EXOC6B: variants seen among roughly 807,000 people sequenced by gnomAD.
EXOC6B encodes exocyst complex component 6B, also known as SEC15 homolog B.
In EXOC6B, 54 loss-of-function variants were observed where a neutral mutation model predicts 113.5. That is an observed-to-expected ratio of 0.48 (90% confidence interval 0.38 to 0.60). The LOEUF is 0.60. Ranked by LOEUF, EXOC6B falls within the 20% of genes least tolerant of loss-of-function variation. The pLI is 0.00. For synonymous variants in EXOC6B, 357 were observed against 339.0 expected (o/e 1.05, Z -0.58); for missense variants, 797 against 977.5 (o/e 0.82, Z 2.46).
intron 20 of EXOC6B, among the ~76,000 whole-genome samples, chr2:72,207,527 A>T (rs1679908703): frequency 6.6e-6 from 1 of 152,244 alleles, no homozygotes; most frequent in Non-Finnish European, 1.5e-5. Context: ...TTTATGGAGT[A>T]AATGCTGAAC....
At chr2:72,699,959 TG>T (rs1221011656) in intron 6 of EXOC6B, among the ~76,000 whole-genome samples, 1 of 152,202 alleles carries the variant, frequency 6.6e-6, no homozygotes, top group Non-Finnish European at 1.5e-5. Flanking sequence ...TATCTGTGGA[TG>T]CTCAAGTCCC....
intron 1 of EXOC6B, among the ~76,000 whole-genome samples, chr2:72,769,532 C>G (rs542999910): frequency 6.6e-6 from 1 of 152,268 alleles, no homozygotes; most frequent in South Asian, 2.1e-4. Flanking sequence ...AAAGGAAGGG[C>G]CAGGCCCAGT....
At chr2:72,381,419 A>G (rs1403052809) in intron 18 of EXOC6B, among the ~76,000 whole-genome samples, 4 of 152,094 alleles carry the variant, frequency 2.6e-5, no homozygotes, top group African/African-American at 9.7e-5. Flanking sequence ...AAACAGAGTA[A>G]GTCAGTTCTA....
At chr2:72,597,839 A>T (rs1480375242) in intron 6 of EXOC6B, among the ~76,000 whole-genome samples, 1 of 151,986 alleles carries the variant, frequency 6.6e-6, no homozygotes, top group Non-Finnish European at 1.5e-5. Flanking sequence ...ATTATCAGGG[A>T]TATAGAGAGG....
intron 15 of EXOC6B, among the ~76,000 whole-genome samples, chr2:72,493,331 C>T (rs900735224): frequency 6.9e-6 from 1 of 145,494 alleles, no homozygotes; most frequent in African/African-American, 2.7e-5. Context: ...CCCCCCCCCC[C>T]CCCGCATTTT....
chr2:72,498,855 A>G (rs965061564), intron 12 of EXOC6B, among the ~76,000 whole-genome samples: 11 of 152,142 alleles, frequency 7.2e-5, no homozygotes, highest in African/African-American at 2.4e-4. Context: ...TATAAGTCCT[A>G]CTACCTATAG....
At chr2:72,646,610 G>C (rs1051481582) in intron 6 of EXOC6B, among the ~76,000 whole-genome samples, 2 of 152,078 alleles carry the variant, frequency 1.3e-5, no homozygotes, top group Non-Finnish European at 2.9e-5. Flanking sequence ...CCACAATCAA[G>C]TCGGCTTCAT....
rs1037190906 is a variant in EXOC6B at position 72,459,391 on chromosome 2, A to G, written c.1980+5769T>C. Among the ~76,000 whole-genome samples, 22 of 152,304 alleles carry G rather than the reference A, an allele frequency of 1.4e-4. 2 individuals are homozygous for G. The highest frequency in any genetic ancestry group is 4.6e-4 in the African/African-American group (19 of 41,576). ...AGGAGAAGGAAATAAAGGGTATTCA[A>G]TTAGGAAAAGAGGAAGTCAAATTGT... On this transcript the variant is annotated intron_variant, in intron 18 of 21. Coordinates refer to ENST00000272427, the MANE Select transcript of EXOC6B (RefSeq NM_015189.3).
At chr2:72,518,409 T>C (rs574043358) in intron 8 of EXOC6B, among the ~76,000 whole-genome samples, 1 of 152,022 alleles carries the variant, frequency 6.6e-6, no homozygotes, top group Admixed American at 6.6e-5. Context: ...ACTTACTGAA[T>C]TTATAGACTA....
At chr2:72,314,088 G>A (rs191553819) in intron 20 of EXOC6B, among the ~76,000 whole-genome samples, 119 of 152,194 alleles carry the variant, frequency 7.8e-4, no homozygotes, top group Non-Finnish European at 1.5e-3. Context: ...GCCACCTCTC[G>A]GAATATACTA....
At chr2:72,778,556 TACCA>T (rs1573781804) in intron 1 of EXOC6B, among the ~76,000 whole-genome samples, 1 of 152,202 alleles carries the variant, frequency 6.6e-6, no homozygotes, top group East Asian at 1.9e-4. Flanking sequence ...GTATACTAGT[TACCA>T]AAAAAGTACC....
chr2:72,379,768 C>A lies in EXOC6B; in HGVS notation c.2083G>T (p.Ala695Ser), dbSNP rs766942278. The change falls in exon 19 of 22, where the codon GCA becomes TCA. Residue 695 changes from alanine to serine, a missense_variant. Transcript: ENST00000272427. ...EAEVRQLTLGALQQFNLDVRE... is the reference protein window; with the variant it reads ...EAEVRQLTLGSLQQFNLDVRE... ...ACGTCCAAGTTGAACTGCTGTAATG[C>A]TCCCAAGGTGAGCTGCCGCACTTCA... 1.2e-6 allele frequency: 2 copies of A among 1,613,508 alleles called. No homozygotes were observed. The highest frequency in any genetic ancestry group is 1.7e-6 in the Non-Finnish European group (2 of 1,179,652).
intron 18 of EXOC6B, among the ~76,000 whole-genome samples, chr2:72,427,047 C>T (rs1695237285): frequency 6.6e-6 from 1 of 152,246 alleles, no homozygotes; most frequent in Non-Finnish European, 1.5e-5. Flanking sequence ...TGCCAACAGC[C>T]ACTGCAGAGA....
intron 1 of EXOC6B, among the ~76,000 whole-genome samples, chr2:72,751,965 C>A (rs1434917943): frequency 1.3e-5 from 2 of 152,148 alleles, no homozygotes; most frequent in African/African-American, 4.8e-5. Flanking sequence ...TTTATCCCTT[C>A]TCTTCATAGC....
chr2:72,333,030 C>A (rs1331741380), intron 20 of EXOC6B, among the ~76,000 whole-genome samples: 1 of 151,906 alleles, frequency 6.6e-6, no homozygotes, highest in Non-Finnish European at 1.5e-5. Context: ...AAAAATTATC[C>A]CTTTAAGCTG....
intron 20 of EXOC6B, among the ~76,000 whole-genome samples, chr2:72,279,170 T>TCC (rs1684974923): frequency 6.6e-6 from 1 of 152,206 alleles, no homozygotes; most frequent in Non-Finnish European, 1.5e-5. Flanking sequence ...TCTTACTCTG[T>TCC]TTCTCTCTTC....
intron 6 of EXOC6B, among the ~76,000 whole-genome samples, chr2:72,665,922 T>G (rs926248545): frequency 6.6e-6 from 1 of 152,148 alleles, no homozygotes; most frequent in African/African-American, 2.4e-5. Context: ...ATGACCCAAT[T>G]ATATGCTCTC....
intron 20 of EXOC6B, among the ~76,000 whole-genome samples, chr2:72,195,292 C>A (rs1464786822): frequency 1.3e-5 from 2 of 152,156 alleles, no homozygotes; most frequent in Non-Finnish European, 2.9e-5. Flanking sequence ...TCACTGATGA[C>A]AGCATCTATC....
At chr2:72,486,711 G>A (rs1380061156) in intron 16 of EXOC6B, among the ~76,000 whole-genome samples, 1 of 152,032 alleles carries the variant, frequency 6.6e-6, no homozygotes, top group Admixed American at 6.6e-5. Context: ...ACTATCTAAT[G>A]CCAATCCCTT....
Sources: gnomAD v4.1 joint callset for allele counts (sites outside exome capture counted in the v4.1 genomes callset) on GRCh38, gnomAD v4.1.1 for gene constraint, MANE v1.5 for transcripts, NCBI Gene and HGNC (gene_info 2026-07-23, HGNC 2026-07-21) for gene names.